The following FSTL4 variants were observed in gnomAD, a reference collection of about 807,000 sequenced individuals.
FSTL4 encodes follistatin-related protein 4.
Under a neutral mutation model 78.2 loss-of-function variants are expected in FSTL4, and 28 were observed. That is an observed-to-expected ratio of 0.36 (90% CI 0.27 to 0.49). The LOEUF (loss-of-function observed/expected upper bound fraction) is 0.49. FSTL4 is among the 20% of genes least tolerant of loss of function. The pLI, the probability that FSTL4 is intolerant of heterozygous loss-of-function variation, is 0.98. For synonymous variants in FSTL4, 422 were observed against 440.5 expected (o/e 0.96, Z 0.53); for missense variants, 922 against 1,084.9 (o/e 0.85, Z 2.11).
At chr5:133,817,660 G>T in the FSTL4 span, among the ~76,000 whole-genome samples, 1 of 152,122 alleles carries the variant, frequency 6.6e-6, no homozygotes, top group Non-Finnish European at 1.5e-5. Context: ...AAGAAGGAAG[G>T]CTCTTCTCTC....
the FSTL4 span, among the ~76,000 whole-genome samples, chr5:133,771,409 T>A: frequency 1.3e-5 from 2 of 152,178 alleles, no homozygotes; most frequent in African/African-American, 2.4e-5. Flanking sequence ...TGTTTTGTAG[T>A]CCTCCTTATA....
At chr5:133,574,497 T>C (rs951528449) in intron 2 of FSTL4, among the ~76,000 whole-genome samples, 1 of 152,240 alleles carries the variant, frequency 6.6e-6, no homozygotes, top group Non-Finnish European at 1.5e-5. Context: ...TCCACCTTCT[T>C]AATCCTTTAA....
the FSTL4 span, among the ~76,000 whole-genome samples, chr5:133,702,740 A>T: frequency 6.6e-6 from 1 of 152,174 alleles, no homozygotes; most frequent in Non-Finnish European, 1.5e-5. Flanking sequence ...GTTCCAGGGA[A>T]GGAAAGGAGT....
Position 133,210,357 on chromosome 5 carries a change from G to A in FSTL4, c.1609-59C>T, listed in dbSNP as rs887064489. On this transcript the variant is annotated intron_variant, in intron 13 of 15. Coordinates refer to ENST00000265342, the MANE Select transcript of FSTL4 (RefSeq NM_015082.2). ...GACATGATGGTCATTTCTGGGCGTTGTATGCATGGGCATCACTCCTGGGCG... is the reference window on the plus strand; with the variant it reads ...GACATGATGGTCATTTCTGGGCGTTATATGCATGGGCATCACTCCTGGGCG... 6 of 997,944 alleles carry A rather than the reference G, an allele frequency of 6.0e-6. No homozygotes were observed. In the African/African-American group the frequency reaches 7.9e-5, roughly 13 times the overall value. 61.8% of individuals were successfully genotyped at this position (997,944 alleles called of 1,614,324 possible). A position where few individuals can be genotyped will look rare whatever the true frequency, so the allele number is the denominator to read the frequency against.
the FSTL4 span, among the ~76,000 whole-genome samples, chr5:133,710,098 GGGT>G: frequency 2.0e-5 from 3 of 152,176 alleles, no homozygotes; most frequent in African/African-American, 7.2e-5. Context: ...CATGAGGCAG[GGGT>G]CAGCCCACTG....
At chr5:133,535,025 T>TTAA (rs1319442734) in intron 3 of FSTL4, among the ~76,000 whole-genome samples, 4 of 152,172 alleles carry the variant, frequency 2.6e-5, no homozygotes, top group African/African-American at 9.7e-5. Context: ...TTCAAGAAGG[T>TTAA]AATTAAGGTT....
At chr5:133,838,378 T>TTACTGTAG in the FSTL4 span, among the ~76,000 whole-genome samples, 1 of 152,254 alleles carries the variant, frequency 6.6e-6, no homozygotes, top group Non-Finnish European at 1.5e-5. Flanking sequence ...TCTCCCACAG[T>TTACTGTAG]TACTGTAGTC....
intron 8 of FSTL4, 121 bp downstream of exon 8, chr5:133,233,296 G>T: frequency 1.9e-6 from 2 of 1,076,056 alleles, no homozygotes; most frequent in Non-Finnish European, 2.7e-6. Flanking sequence ...TAAGAGAGAT[G>T]ATATATTTTG....
At chr5:133,293,099 T>C (rs546582292) in intron 6 of FSTL4, among the ~76,000 whole-genome samples, 3 of 152,306 alleles carry the variant, frequency 2.0e-5, no homozygotes, top group East Asian at 3.9e-4. Flanking sequence ...CGCCACTCCA[T>C]CTCCACAGGG....
chr5:133,625,610 C>T, the FSTL4 span, among the ~76,000 whole-genome samples: 1 of 148,132 alleles, frequency 6.8e-6, no homozygotes, highest in Middle Eastern at 3.5e-3. Flanking sequence ...TTTTCAATGT[C>T]ATCAATTTCT....
intron 1 of FSTL4, among the ~76,000 whole-genome samples, chr5:133,609,067 C>T (rs2112985054): frequency 6.6e-6 from 1 of 152,302 alleles, no homozygotes; most frequent in African/African-American, 2.4e-5. Context: ...TCTCTCTCAG[C>T]CTCTCTCCCA....
intron 4 of FSTL4, among the ~76,000 whole-genome samples, chr5:133,388,233 AG>A (rs1205777347): frequency 3.9e-5 from 6 of 152,218 alleles, no homozygotes; most frequent in Admixed American, 3.3e-4. Context: ...TAGAATGTGA[AG>A]GGTTCATCTT....
chr5:133,838,157 G>A, the FSTL4 span, among the ~76,000 whole-genome samples: 1 of 152,112 alleles, frequency 6.6e-6, no homozygotes, highest in Non-Finnish European at 1.5e-5. Flanking sequence ...CAAAGTGCCT[G>A]GATTACAGGT....
At chr5:133,448,134 T>C (rs777924434) in intron 3 of FSTL4, among the ~76,000 whole-genome samples, 15 of 152,216 alleles carry the variant, frequency 9.9e-5, no homozygotes, top group Non-Finnish European at 1.6e-4. Context: ...CAGTAAACAG[T>C]GATCATAAAG....
chr5:133,737,667 C>T, the FSTL4 span, among the ~76,000 whole-genome samples: 3 of 139,186 alleles, frequency 2.2e-5, no homozygotes, highest in African/African-American at 5.4e-5. Context: ...TGCAGTGGTG[C>T]GATCTCAGCT....
chr5:133,242,914 A>T (rs1751921323), intron 7 of FSTL4, among the ~76,000 whole-genome samples: 1 of 152,236 alleles, frequency 6.6e-6, no homozygotes, highest in Non-Finnish European at 1.5e-5. Flanking sequence ...ATGCTAATCA[A>T]ACGCCTCTCA....
intron 6 of FSTL4, among the ~76,000 whole-genome samples, chr5:133,280,916 A>G (rs1230159398): frequency 3.3e-5 from 5 of 152,040 alleles, no homozygotes; most frequent in African/African-American, 1.2e-4. Flanking sequence ...TGCCCTACCC[A>G]TAACTACCCT....
the FSTL4 span, among the ~76,000 whole-genome samples, chr5:133,684,119 T>A: frequency 1.3e-5 from 2 of 152,340 alleles, no homozygotes; most frequent in East Asian, 3.9e-4. Context: ...AGAGAAGTGA[T>A]GCTACTGCTC....
At chr5:133,355,949 C>T (rs1360454236) in intron 4 of FSTL4, among the ~76,000 whole-genome samples, 2 of 152,144 alleles carry the variant, frequency 1.3e-5, no homozygotes, top group Admixed American at 1.3e-4. Flanking sequence ...CCAGGCATCT[C>T]AGGAAATCCT....
Sources: gnomAD v4.1 joint callset for allele counts (sites outside exome capture counted in the v4.1 genomes callset) on GRCh38, gnomAD v4.1.1 for gene constraint, MANE v1.5 for transcripts, NCBI Gene and HGNC (gene_info 2026-07-23, HGNC 2026-07-21) for gene names.